Variants in DNAJC1 observed in about 807,000 individuals in gnomAD.
DNAJC1 encodes the protein DnaJ heat shock protein family (Hsp40) member C1, also known as dnaJ homolog subfamily C member 1.
In DNAJC1, 58 loss-of-function variants were observed where a neutral mutation model predicts 76.6. That is an observed-to-expected ratio of 0.76 (90% CI 0.61 to 0.94). The LOEUF (loss-of-function observed/expected upper bound fraction) is 0.94. DNAJC1 is among the 40% of genes least tolerant of loss of function. DNAJC1 has a pLI of 0.00. For missense variants in DNAJC1, 689 were observed against 677.3 expected (o/e 1.02, Z -0.19); for synonymous variants, 258 against 267.9 (o/e 0.96, Z 0.36).
chr10:21,852,468 T>C (rs928330013), intron 8 of DNAJC1, among the ~76,000 whole-genome samples: 6 of 152,178 alleles, frequency 3.9e-5, no homozygotes, highest in South Asian at 2.1e-4. Context: ...TAATTTTATG[T>C]TATATGGATT....
chr10:21,776,783 G>T (rs1003660321), intron 9 of DNAJC1, among the ~76,000 whole-genome samples: 1 of 152,162 alleles, frequency 6.6e-6, no homozygotes, highest in Admixed American at 6.6e-5. Flanking sequence ...TTGATTAACT[G>T]ATTACCTCTA....
chr10:21,918,497 T>G (rs1222362988), intron 6 of DNAJC1, among the ~76,000 whole-genome samples: 3 of 151,894 alleles, frequency 2.0e-5, no homozygotes, highest in Non-Finnish European at 4.4e-5. Flanking sequence ...GATTAAATTT[T>G]TATTGCTTTT....
At chr10:21,995,418 G>T (rs773488044) in intron 1 of DNAJC1, among the ~76,000 whole-genome samples, 1 of 152,174 alleles carries the variant, frequency 6.6e-6, no homozygotes, top group African/African-American at 2.4e-5. Flanking sequence ...ACCAGGAGTT[G>T]TATGTATTCC....
intron 1 of DNAJC1, among the ~76,000 whole-genome samples, chr10:21,976,268 T>C (rs1210272855): frequency 6.6e-6 from 1 of 152,186 alleles, no homozygotes; most frequent in African/African-American, 2.4e-5. Flanking sequence ...TCTAGAAAAG[T>C]ATATACCAAC....
chr10:21,906,863 T>G (rs1051279355), intron 6 of DNAJC1, among the ~76,000 whole-genome samples: 6 of 152,194 alleles, frequency 3.9e-5, no homozygotes, highest in Non-Finnish European at 5.9e-5. Flanking sequence ...CAGTTAGGCC[T>G]TATATGTATG....
At chr10:21,810,390 T>G (rs538970578) in intron 8 of DNAJC1, among the ~76,000 whole-genome samples, 72 of 152,200 alleles carry the variant, frequency 4.7e-4, no homozygotes, top group Non-Finnish European at 1.0e-3. Context: ...GGTCCCCCTA[T>G]AATCTTAGGG....
intron 8 of DNAJC1, among the ~76,000 whole-genome samples, chr10:21,824,103 A>T (rs1564798381): frequency 6.6e-6 from 1 of 152,234 alleles, no homozygotes; most frequent in Non-Finnish European, 1.5e-5. Flanking sequence ...AATGAATGAC[A>T]GAAAGAAACA....
At chr10:21,831,634 CA>C in intron 8 of DNAJC1, among the ~76,000 whole-genome samples, 1 of 151,918 alleles carries the variant, frequency 6.6e-6, no homozygotes, top group Admixed American at 6.6e-5. Flanking sequence ...ACTCAAAATT[CA>C]AAATATTAGC....
chr10:21,825,372 T>C (rs1167627261), intron 8 of DNAJC1, among the ~76,000 whole-genome samples: 1 of 152,206 alleles, frequency 6.6e-6, no homozygotes, highest in Non-Finnish European at 1.5e-5. Flanking sequence ...CTACCAGTCT[T>C]TTTTTTAACA....
chr10:21,954,847 T>C (rs1363680952), intron 1 of DNAJC1, among the ~76,000 whole-genome samples: 1 of 152,074 alleles, frequency 6.6e-6, no homozygotes, highest in African/African-American at 2.4e-5. Flanking sequence ...CACAAAGAGG[T>C]TAAATAACCA....
At chr10:21,809,088 T>C (rs1317062348) in intron 8 of DNAJC1, among the ~76,000 whole-genome samples, 2 of 152,184 alleles carry the variant, frequency 1.3e-5, no homozygotes, top group African/African-American at 2.4e-5. Flanking sequence ...TAAAACCCAC[T>C]ATGTTCAAAG....
intron 3 of DNAJC1, among the ~76,000 whole-genome samples, chr10:21,924,690 C>T (rs1410668955): frequency 6.6e-6 from 1 of 152,108 alleles, no homozygotes; most frequent in Non-Finnish European, 1.5e-5. Context: ...CTGTTATAGG[C>T]ATGCTTTAAT....
rs75363013 is a variant in DNAJC1 at position 21,856,094 on chromosome 10, A to G, written c.978+26188T>C. On this transcript the variant is annotated intron_variant, in intron 8 of 11. Transcript: ENST00000376980. ...TGAGGGATGGTTGAATTAGACTTAG[A>G]GTGGGAATTTTATACATTCTCCTGA... Among the ~76,000 whole-genome samples, 362 of 152,280 alleles carry G rather than the reference A, an allele frequency of 2.4e-3. 2 individuals carry two copies. Among genetic ancestry groups the G allele is most frequent in the Middle Eastern group, 0.017 (5 of 294 alleles).
chr10:21,775,201 G>A (rs1013263640), intron 9 of DNAJC1, among the ~76,000 whole-genome samples: 33 of 151,850 alleles, frequency 2.2e-4, no homozygotes, highest in African/African-American at 7.5e-4. Flanking sequence ...CAACAGGTTC[G>A]TTAGATAGCA....
intron 8 of DNAJC1, among the ~76,000 whole-genome samples, chr10:21,857,511 T>G (rs1461953527): frequency 6.6e-6 from 1 of 152,066 alleles, no homozygotes; most frequent in Non-Finnish European, 1.5e-5. Context: ...TTTAATATAC[T>G]GGGGTTCTAT....
intron 1 of DNAJC1, among the ~76,000 whole-genome samples, chr10:21,938,354 A>T (rs1837348086): frequency 6.6e-6 from 1 of 152,154 alleles, no homozygotes. Flanking sequence ...CTTAAAAAAA[A>T]AAAAGAAGAA....
At chr10:21,774,423 G>A (rs1226702371) in intron 9 of DNAJC1, among the ~76,000 whole-genome samples, 2 of 152,248 alleles carry the variant, frequency 1.3e-5, no homozygotes, top group Non-Finnish European at 2.9e-5. Context: ...ACATCTTAAA[G>A]TCATGCTACA....
chr10:21,947,851 T>C (rs1159404508), intron 1 of DNAJC1, among the ~76,000 whole-genome samples: 2 of 152,236 alleles, frequency 1.3e-5, no homozygotes, highest in African/African-American at 4.8e-5. Context: ...GTTTCATAGT[T>C]CTTATCTCTG....
At chr10:21,988,042 T>C (rs1838273921) in intron 1 of DNAJC1, among the ~76,000 whole-genome samples, 2 of 152,188 alleles carry the variant, frequency 1.3e-5, no homozygotes, top group Admixed American at 6.5e-5. Context: ...ACACCAAGAA[T>C]GTGTCATAAT....
Sources: allele counts gnomAD v4.1 joint callset (sites outside exome capture counted in the v4.1 genomes callset), GRCh38; gene constraint gnomAD v4.1.1; transcripts MANE v1.5; gene names NCBI Gene and HGNC (gene_info 2026-07-23, HGNC 2026-07-21).